Variants in KCTD8 observed in about 807,000 individuals in gnomAD.
KCTD8 encodes potassium channel tetramerization domain containing 8.
KCTD8 carries 27 observed loss-of-function variants against 31.5 expected under a neutral mutation model. The ratio of observed to expected loss-of-function variants is 0.86; its 90% CI spans 0.63 to 1.18. The LOEUF (loss-of-function observed/expected upper bound fraction) is 1.18, where lower values mean the gene tolerates loss of function less well. Among genes scored for constraint, KCTD8 ranks in the 50% most tolerant of loss-of-function variants. The pLI, the probability that KCTD8 is intolerant of heterozygous loss-of-function variation, is 0.00. For missense variants in KCTD8, 658 were observed against 647.7 expected, an observed-to-expected ratio of 1.02 and a Z score of -0.17; for synonymous variants, 290 against 280.0, an observed-to-expected ratio of 1.04 and a Z score of -0.36.
At chr4:44,426,990 A>G (rs750110470) in intron 1 of KCTD8, among the ~76,000 whole-genome samples, 69 of 151,894 alleles carry the variant, frequency 4.5e-4, no homozygotes, top group Admixed American at 5.9e-4. Flanking sequence ...TATAAAGATG[A>G]TTTTAGTACA....
intron 1 of KCTD8, among the ~76,000 whole-genome samples, chr4:44,374,355 T>G (rs189020948): frequency 6.6e-6 from 1 of 152,276 alleles, no homozygotes; most frequent in Non-Finnish European, 1.5e-5. Flanking sequence ...AGTTAGTGTC[T>G]TACTCTACAG....
intron 1 of KCTD8, among the ~76,000 whole-genome samples, chr4:44,280,151 C>A (rs1012977319): frequency 6.6e-6 from 1 of 151,880 alleles, no homozygotes; most frequent in African/African-American, 2.4e-5. Flanking sequence ...TTTCTCTTAC[C>A]TTTCGAAGAA....
chr4:44,335,125 A>T (rs192721031), intron 1 of KCTD8, among the ~76,000 whole-genome samples: 2 of 152,152 alleles, frequency 1.3e-5, no homozygotes, highest in Non-Finnish European at 2.9e-5. Context: ...AGTTACATAT[A>T]ACAGATGTAA....
intron 1 of KCTD8, among the ~76,000 whole-genome samples, chr4:44,310,199 T>A (rs576253834): frequency 2.6e-5 from 4 of 152,096 alleles, no homozygotes; most frequent in Non-Finnish European, 4.4e-5. Flanking sequence ...TGATATGTAT[T>A]CCAGTGATAT....
intron 1 of KCTD8, among the ~76,000 whole-genome samples, chr4:44,347,892 A>G (rs971438467): frequency 2.0e-5 from 3 of 152,168 alleles, no homozygotes; most frequent in East Asian, 3.9e-4. Flanking sequence ...ATAGGGAAAA[A>G]ATGTCATTAT....
intron 1 of KCTD8, among the ~76,000 whole-genome samples, chr4:44,183,343 T>C (rs1713484352): frequency 6.6e-6 from 1 of 152,188 alleles, no homozygotes; most frequent in African/African-American, 2.4e-5. Flanking sequence ...ATATTACATT[T>C]TTATGTTCAA....
chr4:44,186,619 C>T (rs1176337029), intron 1 of KCTD8, among the ~76,000 whole-genome samples: 1 of 152,204 alleles, frequency 6.6e-6, no homozygotes, highest in African/African-American at 2.4e-5. Context: ...GGGACGGAGC[C>T]CACACTCCCC....
chr4:44,430,830 C>T (rs933316834), intron 1 of KCTD8, among the ~76,000 whole-genome samples: 1 of 151,582 alleles, frequency 6.6e-6, no homozygotes, highest in Non-Finnish European at 1.5e-5. Context: ...ACCACTGAAG[C>T]ATTAGACTCA....
At chr4:44,340,391 T>C (rs1577624931) in intron 1 of KCTD8, among the ~76,000 whole-genome samples, 5 of 151,932 alleles carry the variant, frequency 3.3e-5, no homozygotes, top group Admixed American at 2.0e-4. Context: ...CTCCACCTCC[T>C]GTGTTCACAC....
chr4:44,272,038 T>C (rs1345629554), intron 1 of KCTD8, among the ~76,000 whole-genome samples: 1 of 151,304 alleles, frequency 6.6e-6, no homozygotes, highest in Non-Finnish European at 1.5e-5. Context: ...TCTCAGGGAG[T>C]TGAGGGCATC....
intron 1 of KCTD8, among the ~76,000 whole-genome samples, chr4:44,412,343 C>T (rs1201308124): frequency 2.0e-5 from 3 of 152,148 alleles, no homozygotes. Flanking sequence ...AGCAACTTTA[C>T]ACTCCCACTC....
Position 44,314,103 on chromosome 4 carries a change from G to A in KCTD8, c.961+133460C>T, listed in dbSNP as rs533341266. Among the ~76,000 whole-genome samples, 7 of 152,312 alleles carry A rather than the reference G, an allele frequency of 4.6e-5. 1 individual carries two copies. The South Asian group carries it at 1.5e-3, about 32-fold the overall frequency. On this transcript the variant is annotated intron_variant, in intron 1 of 1. Coordinates refer to ENST00000360029, the MANE Select transcript of KCTD8 (RefSeq NM_198353.3). ...GAAGGTCAAATAGAAAGGATTTAGT[G>A]ATTGGATATTCTCAGTCATGAAGAT...
intron 1 of KCTD8, among the ~76,000 whole-genome samples, chr4:44,297,528 G>C (rs1192368965): frequency 1.3e-5 from 2 of 148,380 alleles, no homozygotes; most frequent in African/African-American, 4.9e-5. Context: ...CTATTTTTAA[G>C]GCAAACACTA....
At chr4:44,243,992 A>T (rs113953889) in intron 1 of KCTD8, among the ~76,000 whole-genome samples, 1 of 152,162 alleles carries the variant, frequency 6.6e-6, no homozygotes, top group Admixed American at 6.5e-5. Context: ...AGATGGCTTC[A>T]CTTTACTCCC....
At chr4:44,179,241 T>G (rs1713305298) in intron 1 of KCTD8, among the ~76,000 whole-genome samples, 2 of 151,998 alleles carry the variant, frequency 1.3e-5, no homozygotes, top group Non-Finnish European at 2.9e-5. Flanking sequence ...CCTCTTGTCT[T>G]TCCAATGACA....
intron 1 of KCTD8, among the ~76,000 whole-genome samples, chr4:44,222,733 G>C (rs750733879): frequency 1.2e-4 from 19 of 152,134 alleles, no homozygotes; most frequent in Non-Finnish European, 1.8e-4. Flanking sequence ...CTAGTTTTTG[G>C]ACCAAGCGCA....
At chr4:44,201,664 G>C (rs1348363730) in intron 1 of KCTD8, among the ~76,000 whole-genome samples, 2 of 152,020 alleles carry the variant, frequency 1.3e-5, no homozygotes, top group African/African-American at 4.8e-5. Context: ...ATGGATTAAA[G>C]ATTTTAATGT....
rs1236472319 is a variant in KCTD8 at position 44,227,750 on chromosome 4, G to A, written c.962-52500C>T. ...ATTAAACCAGAGCCTAAGAGGCAGA[G>A]TTGATTCTTTCCTTTCCCTCACTCT... On this transcript the variant is annotated intron_variant, in intron 1 of 1. Coordinates refer to ENST00000360029, the MANE Select transcript of KCTD8 (RefSeq NM_198353.3). 5.3e-5 allele frequency among the ~76,000 whole-genome samples: 8 copies of A among 152,156 alleles called. No homozygotes were observed. In the East Asian group the frequency reaches 1.5e-3, roughly 29 times the overall value.
chr4:44,279,494 T>C (rs1716842019), intron 1 of KCTD8, among the ~76,000 whole-genome samples: 1 of 152,086 alleles, frequency 6.6e-6, no homozygotes, highest in South Asian at 2.1e-4. Flanking sequence ...AAAGATGTGC[T>C]CTTAAGTGCT....
Sources: gnomAD v4.1 joint callset for allele counts (sites outside exome capture counted in the v4.1 genomes callset) on GRCh38, gnomAD v4.1.1 for gene constraint, MANE v1.5 for transcripts, NCBI Gene and HGNC (gene_info 2026-07-23, HGNC 2026-07-21) for gene names.